The following PTPRJ variants were observed in gnomAD, a reference collection of about 807,000 sequenced individuals.
PTPRJ encodes receptor-type tyrosine-protein phosphatase eta.
A neutral mutation model predicts 141.3 loss-of-function variants in PTPRJ; 129 were observed. The observed-to-expected ratio is 0.91, with a 90% CI of 0.79 to 1.06. The LOEUF (loss-of-function observed/expected upper bound fraction) is 1.06, where lower values mean the gene tolerates loss of function less well. PTPRJ is among the 50% of genes least tolerant of loss of function. The pLI is 0.00. For missense variants in PTPRJ, 1,601 were observed against 1,679.7 expected (o/e 0.95, Z 0.82); for synonymous variants, 610 against 640.5 (o/e 0.95, Z 0.72).
chr11:48,017,103 G>C (rs1290507771), intron 1 of PTPRJ, among the ~76,000 whole-genome samples: 2 of 152,122 alleles, frequency 1.3e-5, no homozygotes, highest in Non-Finnish European at 2.9e-5. Context: ...GTTCAAAAAA[G>C]TTTATGTAAT....
At chr11:47,982,765 G>A (rs1343540785) in intron 1 of PTPRJ, among the ~76,000 whole-genome samples, 4 of 151,724 alleles carry the variant, frequency 2.6e-5, no homozygotes, top group African/African-American at 9.7e-5. Context: ...AAAGTTTCTT[G>A]GGTAAATTTA....
chr11:48,114,714 G>T (rs1469745516), intron 3 of PTPRJ, among the ~76,000 whole-genome samples: 1 of 152,170 alleles, frequency 6.6e-6, no homozygotes, highest in East Asian at 1.9e-4. Flanking sequence ...AGTGCAAGTG[G>T]TTGACCATAA....
chr11:48,125,595 G>C (rs1856812859), intron 6 of PTPRJ, among the ~76,000 whole-genome samples: 1 of 152,170 alleles, frequency 6.6e-6, no homozygotes, highest in Non-Finnish European at 1.5e-5. Context: ...AATTCATACC[G>C]ATCTTTCTGT....
chr11:48,131,804 C>G (rs1450305459), intron 8 of PTPRJ: 1 of 359,648 alleles, frequency 2.8e-6, no homozygotes, highest in Non-Finnish European at 5.0e-6. Flanking sequence ...GTCCAGGGCT[C>G]TCTAGGGATC....
intron 1 of PTPRJ, among the ~76,000 whole-genome samples, chr11:48,087,481 A>G (rs1482907126): frequency 1.3e-5 from 2 of 152,200 alleles, no homozygotes; most frequent in African/African-American, 4.8e-5. Flanking sequence ...TGGTGTGTGT[A>G]ATGTTTGAAA....
At chr11:47,982,404 T>A (rs1792450929) in intron 1 of PTPRJ, among the ~76,000 whole-genome samples, 1 of 152,218 alleles carries the variant, frequency 6.6e-6, no homozygotes, top group South Asian at 2.1e-4. Flanking sequence ...CACTGGCCAA[T>A]GTCTAAAAGA....
At chr11:48,150,365 A>G (rs1331934898) in intron 18 of PTPRJ, among the ~76,000 whole-genome samples, 182 bp downstream of exon 18, 2 of 152,198 alleles carry the variant, frequency 1.3e-5, no homozygotes, top group East Asian at 1.9e-4. Context: ...CTCACAGACA[A>G]TAGTGGCTCA....
At chr11:48,166,111 C>T (rs1424508198) in intron 24 of PTPRJ, among the ~76,000 whole-genome samples, 2 of 151,838 alleles carry the variant, frequency 1.3e-5, no homozygotes, top group Admixed American at 1.3e-4. Flanking sequence ...GATCCGCCCG[C>T]CTCGGCCTCC....
At chr11:48,153,719 C>T in intron 18 of PTPRJ, 77 bp from the exon 19 acceptor site, 1 of 967,514 alleles carries the variant, frequency 1.0e-6, no homozygotes, top group Non-Finnish European at 1.6e-6. Context: ...GGGCTGGTTT[C>T]ACTGTCATAT....
In PTPRJ at chr11:48,137,275, T is replaced by C; in HGVS notation, c.2146T>C (p.Cys716Arg). The change falls in exon 10 of 25, where the codon TGT becomes CGT. Residue 716 changes from cysteine (C) to arginine (R), a missense_variant. Transcript: ENST00000418331. ...KSLEPGRKSF[C>R]TDPASMASFD... ...ACTGGAACCTGGCCGGAAGTCATTC[T>C]GTACAGGTGAGTGTAGCCCCAACTG... The C allele has an allele frequency of 6.2e-7, 1 of 1,613,764 alleles. No individual in the cohort carries two copies. The highest frequency in any genetic ancestry group is 8.5e-7 in the Non-Finnish European group (1 of 1,179,706).
rs1853880352 is a variant in PTPRJ, at chr11:47,980,826, C to T, written c.-87C>T. On this transcript the variant is annotated 5_prime_UTR_variant, in exon 1 of 25. It introduces an in-frame stop codon into an upstream open reading frame of the 5' UTR. Transcript: ENST00000418331. ...GCGGAGGAGGAGGCGAAGGAGACGG[C>T]AGGAGGCGGCGACGACGGTGCCCGG... The T allele has an allele frequency of 9.5e-7, 1 of 1,054,406 alleles. No homozygotes were observed. Among genetic ancestry groups the T allele is most frequent in the South Asian group, 4.5e-5 (1 of 22,344 alleles). 65.3% of individuals were successfully genotyped at this position (1,054,406 alleles called of 1,614,324 possible).
chr11:48,110,478 C>T (rs1373525040), intron 2 of PTPRJ, among the ~76,000 whole-genome samples: 2 of 152,160 alleles, frequency 1.3e-5, no homozygotes, highest in Non-Finnish European at 2.9e-5. Flanking sequence ...GGATTACAGG[C>T]GCGAGCCACC....
chr11:48,075,802 A>ATT (rs1565290156), intron 1 of PTPRJ, among the ~76,000 whole-genome samples: 1 of 152,008 alleles, frequency 6.6e-6, no homozygotes, highest in African/African-American at 2.4e-5. Context: ...TTTCTGCCAC[A>ATT]TTTTACCTTG....
chr11:48,031,771 G>A (rs558862438), intron 1 of PTPRJ, among the ~76,000 whole-genome samples: 2 of 152,292 alleles, frequency 1.3e-5, no homozygotes, highest in South Asian at 4.1e-4. Flanking sequence ...TTCTGCTACG[G>A]AGAGTGTGAC....
rs1288799992 is a variant in PTPRJ, at chr11:48,077,557, C to T, written c.97-32501C>T. On this transcript the variant is annotated intron_variant, in intron 1 of 24. Coordinates refer to ENST00000418331, the MANE Select transcript of PTPRJ (RefSeq NM_002843.4). ...GCCTACTCTGTGTCTCAGCACCATT[C>T]CAGGACTCCCCCCGACAGCCTTACG... is the stretch of plus-strand genomic sequence containing the variant. Among the ~76,000 whole-genome samples, 3 of 152,330 alleles carry T rather than the reference C, an allele frequency of 2.0e-5. No individual in the cohort carries two copies. In the East Asian group the frequency reaches 5.8e-4, roughly 29 times the overall value.
chr11:48,113,966 G>C (rs1856502141), intron 3 of PTPRJ, among the ~76,000 whole-genome samples: 1 of 152,124 alleles, frequency 6.6e-6, no homozygotes, highest in African/African-American at 2.4e-5. Flanking sequence ...TTGTCTAAAA[G>C]CATTGTAAAT....
chr11:48,029,945 T>C (rs770235826), intron 1 of PTPRJ, among the ~76,000 whole-genome samples: 1 of 152,210 alleles, frequency 6.6e-6, no homozygotes, highest in Non-Finnish European at 1.5e-5. Flanking sequence ...ACCACTGGAC[T>C]CACAAAGGCC....
chr11:48,166,270 AACAC>A (rs747197052), intron 24 of PTPRJ, among the ~76,000 whole-genome samples: 1 of 149,942 alleles, frequency 6.7e-6, no homozygotes, highest in Non-Finnish European at 1.5e-5. Context: ...TACATCTGTA[AACAC>A]ACACACACAC....
intron 1 of PTPRJ, among the ~76,000 whole-genome samples, chr11:48,049,629 G>C (rs1227616617): frequency 6.6e-6 from 1 of 150,670 alleles, no homozygotes; most frequent in Non-Finnish European, 1.5e-5. Context: ...CAGGAGAATC[G>C]CTTGAACCTG....
Sources: allele counts gnomAD v4.1 joint callset (sites outside exome capture counted in the v4.1 genomes callset), GRCh38; gene constraint gnomAD v4.1.1; transcripts MANE v1.5; gene names NCBI Gene and HGNC (gene_info 2026-07-23, HGNC 2026-07-21).